JARID2: variants seen among roughly 807,000 people sequenced by gnomAD.
JARID2 encodes protein Jumonji.
JARID2 carries 21 observed loss-of-function variants against 125.6 expected under a neutral mutation model. The ratio of observed to expected loss-of-function variants is 0.17; its 90% CI spans 0.12 to 0.24. The LOEUF (loss-of-function observed/expected upper bound fraction) is 0.24. Among genes scored for constraint, JARID2 ranks in the 10% least tolerant of loss-of-function variants. The pLI is 1.00. For missense variants in JARID2, 1,303 were observed against 1,639.6 expected (o/e 0.79, Z 3.55); for synonymous variants, 736 against 661.6 (o/e 1.11, Z -1.73).
intron 4 of JARID2, among the ~76,000 whole-genome samples, chr6:15,467,536 T>C (rs1455773208): frequency 1.3e-5 from 2 of 152,054 alleles, no homozygotes; most frequent in Admixed American, 1.3e-4. Flanking sequence ...CTTTTTTTTT[T>C]TTTTTTAAGA....
Position 15,422,985 on chromosome 6 carries a change from CTT to C in JARID2, c.323+12639_323+12640del, listed in dbSNP as rs375223254. 8.3e-3 allele frequency among the ~76,000 whole-genome samples: 1,048 copies of C among 125,872 alleles called. 15 individuals carry two copies. Among genetic ancestry groups the C allele is most frequent in the African/African-American group, 0.028 (930 of 33,800 alleles). 82.6% of individuals were successfully genotyped at this position (125,872 alleles called of 152,430 possible). On this transcript the variant is annotated intron_variant, in intron 3 of 17. Transcript: ENST00000341776. The stretch of plus-strand genomic sequence containing the variant: ...TCAAGGCTTACAGGTGTAGCCTAGT[CTT>C]TTTTTTTTTTTTTTTTTTAAACATT...
At chr6:15,459,026 G>A (rs1768324666) in intron 4 of JARID2, among the ~76,000 whole-genome samples, 1 of 152,204 alleles carries the variant, frequency 6.6e-6, no homozygotes, top group Non-Finnish European at 1.5e-5. Flanking sequence ...GCTGCAGGGA[G>A]TTCTTTCTAG....
chr6:15,275,142 T>G (rs1289328237), intron 1 of JARID2, among the ~76,000 whole-genome samples: 1 of 152,194 alleles, frequency 6.6e-6, no homozygotes, highest in Non-Finnish European at 1.5e-5. Context: ...AAGAGCTGTT[T>G]GATCTCTCCT....
chr6:15,249,518 CTT>C lies in JARID2; in HGVS notation c.45+2937_45+2938del, dbSNP rs547029911. On this transcript the variant is annotated intron_variant, in intron 1 of 17. Coordinates refer to ENST00000341776, the MANE Select transcript of JARID2 (RefSeq NM_004973.4). Reference sequence around the variant, plus strand: ...ACCAGAGGCTGGCGTTCTGTTTTCTCTTTTGTAAAATGGAAAAATACCTGCCA... The same window carrying C: ...ACCAGAGGCTGGCGTTCTGTTTTCTCTTGTAAAATGGAAAAATACCTGCCA... 1.7e-3 allele frequency among the ~76,000 whole-genome samples: 256 copies of C among 152,296 alleles called. 5 individuals carry two copies. In the South Asian group the frequency reaches 0.021, roughly 12 times the overall value.
At chr6:15,285,106 GTTTTTTTTT>G (rs199945772) in intron 1 of JARID2, among the ~76,000 whole-genome samples, 2,702 of 119,478 alleles carry the variant, frequency 0.023, 39 homozygotes, top group Non-Finnish European at 0.032. Flanking sequence ...GTCTTTCTGG[GTTTTTTTTT>G]TTTTTTTTTT....
At chr6:15,439,580 A>G (rs1402099716) in intron 3 of JARID2, among the ~76,000 whole-genome samples, 2 of 152,236 alleles carry the variant, frequency 1.3e-5, no homozygotes, top group Admixed American at 6.5e-5. Context: ...GGGCTTAAGC[A>G]GGAGGGATTA....
At chr6:15,500,485 G>A (rs941917994) in intron 7 of JARID2, among the ~76,000 whole-genome samples, 14 of 152,120 alleles carry the variant, frequency 9.2e-5, no homozygotes, top group African/African-American at 3.4e-4. Context: ...TGGGCCGTGG[G>A]TGCAGCCAGG....
intron 1 of JARID2, among the ~76,000 whole-genome samples, chr6:15,247,152 G>C (rs1393364631): frequency 6.6e-6 from 1 of 152,116 alleles, no homozygotes; most frequent in South Asian, 2.1e-4. Context: ...GCATTTGTTG[G>C]GATTGACTTT....
At chr6:15,437,678 T>C (rs531890250) in intron 3 of JARID2, among the ~76,000 whole-genome samples, 1 of 151,396 alleles carries the variant, frequency 6.6e-6, no homozygotes, top group African/African-American at 2.4e-5. Flanking sequence ...CACAAAGAAA[T>C]GTGACTCTAA....
intron 3 of JARID2, among the ~76,000 whole-genome samples, chr6:15,445,318 G>A (rs186707977): frequency 4.9e-4 from 74 of 152,290 alleles, no homozygotes; most frequent in Admixed American, 1.4e-3. Context: ...GCATGGTCTC[G>A]TGATTTATTG....
chr6:15,442,030 G>A (rs984796603), intron 3 of JARID2, among the ~76,000 whole-genome samples: 64 of 151,596 alleles, frequency 4.2e-4, no homozygotes, highest in African/African-American at 1.5e-3. Context: ...GATCCCCCAC[G>A]CCTGGCCTGG....
chr6:15,381,715 G>T (rs189896763), intron 2 of JARID2, among the ~76,000 whole-genome samples: 1 of 152,316 alleles, frequency 6.6e-6, no homozygotes, highest in East Asian at 1.9e-4. Flanking sequence ...CATTTTGTAA[G>T]TGTTGGAGTT....
chr6:15,374,224 C>G lies in JARID2; in HGVS notation c.153C>G (p.Gly51=). 6.2e-7 allele frequency: 1 copy of G among 1,614,010 alleles called. No individual in the cohort carries two copies. Among genetic ancestry groups the G allele is most frequent in the Non-Finnish European group, 8.5e-7 (1 of 1,179,924 alleles). The change falls in exon 2 of 18, where the codon GGC becomes GGG. Residue 51 remains glycine (G), a synonymous_variant. Coordinates refer to ENST00000341776, the MANE Select transcript of JARID2 (RefSeq NM_004973.4). ...KNSQKRQHAE[G]IAGSLKTVNG... ...CCCAGAAGAGGCAGCATGCGGAAGG[C>G]ATTGCTGGGAGCCTGAAAACTGTGA...
Position 15,496,670 on chromosome 6 carries a change from A to T in JARID2, c.1445A>T (p.Asn482Ile), listed in dbSNP as rs1482979378. Residue 482 changes from asparagine (N) to isoleucine (I), a missense_variant, in exon 7 of 18, where the codon AAC (asparagine) becomes ATC (isoleucine). Asn to Ile is a moderately radical substitution (Grantham distance 149). Transcript: ENST00000341776. Reference protein sequence around the residue: ...KKAPAERGLLNGHVKKEVPER... With the variant: ...KKAPAERGLLIGHVKKEVPER... ...GCCCCGGCCGAGAGAGGTCTGCTGA[A>T]CGGACACGTGAAGAAGGAAGTGCCG... is the stretch of plus-strand genomic sequence containing the variant. The T allele has an allele frequency of 6.2e-7, 1 of 1,612,884 alleles. No homozygotes were observed. The highest frequency in any genetic ancestry group is 1.7e-5 in the Admixed American group (1 of 60,032).
At chr6:15,386,576 TC>T (rs1013991994) in intron 2 of JARID2, among the ~76,000 whole-genome samples, 2 of 152,148 alleles carry the variant, frequency 1.3e-5, no homozygotes, top group African/African-American at 4.8e-5. Context: ...CCTCAGGTGA[TC>T]CCCCCTCCTA....
At chr6:15,347,508 T>C (rs984967196) in intron 1 of JARID2, among the ~76,000 whole-genome samples, 1 of 152,182 alleles carries the variant, frequency 6.6e-6, no homozygotes, top group Non-Finnish European at 1.5e-5. Flanking sequence ...AGAAAAATAT[T>C]TTATTTTCCA....
intron 9 of JARID2, among the ~76,000 whole-genome samples, chr6:15,506,321 T>C (rs1391069329): frequency 6.6e-6 from 1 of 152,184 alleles, no homozygotes; most frequent in South Asian, 2.1e-4. Flanking sequence ...GTTGAGGGAA[T>C]CCAGTCATTT....
chr6:15,312,786 C>T (rs1762057989), intron 1 of JARID2, among the ~76,000 whole-genome samples: 1 of 151,974 alleles, frequency 6.6e-6, no homozygotes, highest in Admixed American at 6.6e-5. Flanking sequence ...TTCGTGATTC[C>T]CTGTAGTCTT....
chr6:15,509,071 T>C (rs1391126735), intron 12 of JARID2: 1 of 1,289,358 alleles, frequency 7.8e-7, no homozygotes, highest in East Asian at 5.6e-5. Context: ...ATGTACCCTG[T>C]GGAGTCTGTT....
Sources: allele counts gnomAD v4.1 joint callset (sites outside exome capture counted in the v4.1 genomes callset), GRCh38; gene constraint gnomAD v4.1.1; transcripts MANE v1.5; gene names NCBI Gene and HGNC (gene_info 2026-07-23, HGNC 2026-07-21).